ARL15: variants seen among roughly 807,000 people sequenced by gnomAD.
The protein encoded by ARL15 is ARF like GTPase 15, also known as ADP-ribosylation factor-like protein 15.
A neutral mutation model predicts 25.2 loss-of-function variants in ARL15; 19 were observed. That is an observed-to-expected ratio of 0.75 (90% CI 0.53 to 1.10). The LOEUF is 1.10. ARL15 is among the 50% of genes least tolerant of loss of function. The pLI is 0.00. For missense variants in ARL15, 220 were observed against 246.0 expected (o/e 0.89, Z 0.71); for synonymous variants, 94 against 86.8 (o/e 1.08, Z -0.46).
intron 1 of ARL15, among the ~76,000 whole-genome samples, chr5:54,182,392 T>C (rs1354853051): frequency 6.9e-6 from 1 of 145,194 alleles, no homozygotes; most frequent in African/African-American, 2.5e-5. Flanking sequence ...CCAGCACCAT[T>C]TATTAAATAG....
intron 4 of ARL15, among the ~76,000 whole-genome samples, chr5:54,112,581 C>A (rs1384867710): frequency 6.6e-6 from 1 of 152,146 alleles, no homozygotes; most frequent in African/African-American, 2.4e-5. Context: ...TACTGCAGTA[C>A]CATGAATCAC....
At chr5:54,091,332 C>A (rs534646715) in intron 4 of ARL15, among the ~76,000 whole-genome samples, 4 of 152,228 alleles carry the variant, frequency 2.6e-5, no homozygotes, top group African/African-American at 9.6e-5. Flanking sequence ...TATTCAAATT[C>A]CATAGTTATA....
chr5:54,281,831 C>T (rs905051922), intron 1 of ARL15, among the ~76,000 whole-genome samples: 6 of 152,198 alleles, frequency 3.9e-5, no homozygotes, highest in South Asian at 2.1e-4. Flanking sequence ...TTGTTTCTTA[C>T]ATTCAACATT....
At chr5:54,260,951 T>C (rs570808838) in intron 1 of ARL15, among the ~76,000 whole-genome samples, 1 of 152,312 alleles carries the variant, frequency 6.6e-6, no homozygotes, top group African/African-American at 2.4e-5. Context: ...CTTCTCTGAA[T>C]AGGCTTCAAC....
chr5:53,942,618 C>T (rs1009787480), intron 4 of ARL15, among the ~76,000 whole-genome samples: 98 of 142,686 alleles, frequency 6.9e-4, no homozygotes, highest in South Asian at 1.3e-3. Flanking sequence ...TGGTGGCATG[C>T]GCCTGTAATC....
At chr5:54,039,161 T>C (rs1218539199) in intron 4 of ARL15, among the ~76,000 whole-genome samples, 1 of 152,170 alleles carries the variant, frequency 6.6e-6, no homozygotes, top group Non-Finnish European at 1.5e-5. Flanking sequence ...TGCATGTACG[T>C]AGGCATCCAC....
intron 1 of ARL15, among the ~76,000 whole-genome samples, chr5:54,305,692 AT>A (rs1298593894): frequency 6.6e-6 from 1 of 152,250 alleles, no homozygotes; most frequent in Non-Finnish European, 1.5e-5. Flanking sequence ...ATAACTAATA[AT>A]AAAAGTGAAC....
intron 4 of ARL15, among the ~76,000 whole-genome samples, chr5:53,983,263 G>T (rs899480296): frequency 2.6e-5 from 4 of 151,918 alleles, no homozygotes; most frequent in African/African-American, 9.7e-5. Flanking sequence ...GAGTTATCAG[G>T]GTGCTTTGCT....
intron 4 of ARL15, among the ~76,000 whole-genome samples, chr5:53,936,806 C>A (rs1220076388): frequency 1.3e-5 from 2 of 152,158 alleles, no homozygotes; most frequent in South Asian, 4.1e-4. Flanking sequence ...TGCTGGGGTT[C>A]GCTAGAGGGA....
In ARL15 at chr5:53,886,456, A is replaced by G. The variant is rs925504707; in HGVS notation, c.*105T>C. The G allele has an allele frequency of 8.0e-7, 1 of 1,248,740 alleles. No individual in the cohort carries two copies. Among genetic ancestry groups the G allele is most frequent in the Non-Finnish European group, 1.1e-6 (1 of 920,332 alleles). The allele number at this position is 1,248,740 out of a possible 1,614,324, so 77.4% of individuals were successfully genotyped here. A position where few individuals can be genotyped will look rare whatever the true frequency, so the allele number is the denominator to read the frequency against. On this transcript the variant is annotated 3_prime_UTR_variant, in exon 5 of 5. Coordinates refer to ENST00000504924, the MANE Select transcript of ARL15 (RefSeq NM_019087.3). ...GAGAGTCTGAAATGACCAGAGGAAAATAGATACTGAAGCCAATATAGTCTT... is the reference window on the plus strand; with the variant it reads ...GAGAGTCTGAAATGACCAGAGGAAAGTAGATACTGAAGCCAATATAGTCTT...
intron 4 of ARL15, among the ~76,000 whole-genome samples, chr5:54,027,075 C>CT (rs1286920768): frequency 2.0e-5 from 3 of 152,128 alleles, no homozygotes; most frequent in African/African-American, 4.8e-5. Context: ...TTATTCTTTC[C>CT]TTACTATTCA....
intron 1 of ARL15, among the ~76,000 whole-genome samples, chr5:54,236,161 G>C (rs1756798937): frequency 6.6e-6 from 1 of 152,092 alleles, no homozygotes; most frequent in African/African-American, 2.4e-5. Context: ...TTAAACTCTG[G>C]CAGAGATAGC....
At chr5:54,163,801 G>C in intron 2 of ARL15, among the ~76,000 whole-genome samples, 1 of 151,594 alleles carries the variant, frequency 6.6e-6, no homozygotes. Context: ...TATTTTTTCT[G>C]ATCAGTTTGG....
chr5:54,088,769 A>T (rs951087620), intron 4 of ARL15, among the ~76,000 whole-genome samples: 3 of 152,180 alleles, frequency 2.0e-5, no homozygotes, highest in Non-Finnish European at 4.4e-5. Flanking sequence ...ATTAAATTAA[A>T]TTCTACTTAA....
At chr5:54,125,215 G>A (rs1197563858) in intron 3 of ARL15, among the ~76,000 whole-genome samples, 1 of 151,710 alleles carries the variant, frequency 6.6e-6, no homozygotes, top group African/African-American at 2.4e-5. Flanking sequence ...TGTATTTTTA[G>A]TAGAGACGGG....
At chr5:54,167,273 A>G (rs1754601534) in intron 2 of ARL15, among the ~76,000 whole-genome samples, 1 of 151,672 alleles carries the variant, frequency 6.6e-6, no homozygotes, top group Non-Finnish European at 1.5e-5. Flanking sequence ...TCTCTGTACA[A>G]CTCTTTTCTC....
intron 1 of ARL15, among the ~76,000 whole-genome samples, chr5:54,268,053 T>C (rs1303527842): frequency 2.0e-5 from 3 of 152,074 alleles, no homozygotes; most frequent in Non-Finnish European, 4.4e-5. Flanking sequence ...GATAATATCC[T>C]GCAGAGTGTT....
chr5:54,089,050 A>G (rs1752057187), intron 4 of ARL15, among the ~76,000 whole-genome samples: 1 of 152,196 alleles, frequency 6.6e-6, no homozygotes, highest in African/African-American at 2.4e-5. Context: ...GAATCTCAAA[A>G]AGAAGTAACT....
At chr5:53,967,980 T>C (rs1374535060) in intron 4 of ARL15, among the ~76,000 whole-genome samples, 3 of 151,796 alleles carry the variant, frequency 2.0e-5, no homozygotes, top group Non-Finnish European at 4.4e-5. Context: ...GGGTGTAGGG[T>C]GAGAAGCCAG....
Sources: allele counts gnomAD v4.1 joint callset (sites outside exome capture counted in the v4.1 genomes callset), GRCh38; gene constraint gnomAD v4.1.1; transcripts MANE v1.5; gene names NCBI Gene and HGNC (gene_info 2026-07-23, HGNC 2026-07-21).